The following DGKB variants were observed in gnomAD, a reference collection of about 807,000 sequenced individuals.
DGKB encodes diacylglycerol kinase beta.
Under a neutral mutation model 114.3 loss-of-function variants are expected in DGKB, and 67 were observed. The observed-to-expected ratio is 0.59, with a 90% CI of 0.48 to 0.72. The LOEUF (loss-of-function observed/expected upper bound fraction) is 0.72, where lower values mean the gene tolerates loss of function less well. DGKB is among the 30% of genes least tolerant of loss of function. The probability of loss-of-function intolerance (pLI) is 0.00; values close to 1 mark genes in which losing one functional copy is unlikely to be tolerated. For missense variants in DGKB, 907 were observed against 975.2 expected (o/e 0.93, Z 0.93); for synonymous variants, 398 against 323.1 (o/e 1.23, Z -2.49).
chr7:14,732,368 G>T (rs1358531425), intron 5 of DGKB, among the ~76,000 whole-genome samples: 1 of 151,908 alleles, frequency 6.6e-6, no homozygotes, highest in Non-Finnish European at 1.5e-5. Flanking sequence ...TCAAAAGTCT[G>T]TTATTTTTCA....
chr7:14,974,307 C>T (rs1345018412), intron 1 of DGKB, among the ~76,000 whole-genome samples: 3 of 151,934 alleles, frequency 2.0e-5, no homozygotes, highest in African/African-American at 7.2e-5. Context: ...GGAAAGGGGG[C>T]AGAAAACACA....
At chr7:14,310,614 T>C (rs1462852629) in intron 23 of DGKB, among the ~76,000 whole-genome samples, 1 of 152,182 alleles carries the variant, frequency 6.6e-6, no homozygotes, top group Non-Finnish European at 1.5e-5. Context: ...TCTCTATCTT[T>C]TGCCCAGTTT....
intron 1 of DGKB, among the ~76,000 whole-genome samples, chr7:14,864,027 A>G (rs1338988869): frequency 6.6e-6 from 1 of 150,862 alleles, no homozygotes; most frequent in Non-Finnish European, 1.5e-5. Context: ...TGAACCCAGG[A>G]GGCAGAGGTT....
chr7:14,472,398 C>T (rs1781553653), intron 21 of DGKB, among the ~76,000 whole-genome samples: 1 of 152,164 alleles, frequency 6.6e-6, no homozygotes, highest in Non-Finnish European at 1.5e-5. Flanking sequence ...GTGACTTGTT[C>T]CTCCTTGCCT....
intron 20 of DGKB, among the ~76,000 whole-genome samples, chr7:14,563,189 A>C (rs535569669): frequency 6.8e-4 from 103 of 152,296 alleles, no homozygotes; most frequent in African/African-American, 2.4e-3. Context: ...AGGCCTCCCC[A>C]GCCATGTGAA....
rs569197805 is a variant in DGKB at position 14,393,284 on chromosome 7, C to T, written c.1836-47893G>A. On this transcript the variant is annotated intron_variant, in intron 21 of 25. Coordinates refer to ENST00000402815, the MANE Select transcript of DGKB (RefSeq NM_001350709.2). ...GATTACAGGCGTGAGCCACCGCGCC[C>T]GGTCAACAGACCTGTTTTTATACAG... Among the ~76,000 whole-genome samples, 243 of 152,000 alleles carry T rather than the reference C, an allele frequency of 1.6e-3. 1 individual carries two copies. The highest frequency in any genetic ancestry group is 3.4e-3 in the Middle Eastern group (1 of 294).
At chr7:14,521,676 CT>C (rs1415992610) in intron 20 of DGKB, among the ~76,000 whole-genome samples, 1 of 151,686 alleles carries the variant, frequency 6.6e-6, no homozygotes, top group Non-Finnish European at 1.5e-5. Context: ...CCCTTTAATT[CT>C]TTGAACAATT....
intron 23 of DGKB, among the ~76,000 whole-genome samples, chr7:14,277,922 C>T (rs1799271467): frequency 6.6e-6 from 1 of 152,196 alleles, no homozygotes; most frequent in African/African-American, 2.4e-5. Flanking sequence ...TCCACATCCA[C>T]ACTAACCTTT....
At chr7:14,830,951 A>G (rs1846331542) in intron 2 of DGKB, among the ~76,000 whole-genome samples, 1 of 151,768 alleles carries the variant, frequency 6.6e-6, no homozygotes, top group South Asian at 2.1e-4. Context: ...ATGTGTGTGA[A>G]TATCTGTGTG....
chr7:14,699,207 T>C (rs192744701), intron 7 of DGKB, among the ~76,000 whole-genome samples: 1 of 152,294 alleles, frequency 6.6e-6, no homozygotes, highest in Non-Finnish European at 1.5e-5. Flanking sequence ...TAAATGTATT[T>C]ATTACAGATT....
At chr7:14,335,396 C>T (rs908033508) in intron 23 of DGKB, among the ~76,000 whole-genome samples, 1 of 151,560 alleles carries the variant, frequency 6.6e-6, no homozygotes, top group Non-Finnish European at 1.5e-5. Context: ...ATTTTCTCCC[C>T]CTCCAAAAGA....
chr7:14,162,397 T>A (rs555054970), intron 25 of DGKB, among the ~76,000 whole-genome samples: 1 of 152,324 alleles, frequency 6.6e-6, no homozygotes, highest in South Asian at 2.1e-4. Flanking sequence ...AATGACAAAA[T>A]TCTGATAAGT....
chr7:14,793,257 G>C (rs1014314672), intron 2 of DGKB, among the ~76,000 whole-genome samples: 13 of 152,204 alleles, frequency 8.5e-5, no homozygotes, highest in African/African-American at 2.6e-4. Flanking sequence ...AGATAGAAAT[G>C]TCATGTAAAA....
chr7:14,947,164 T>C (rs1473705303), intron 1 of DGKB, among the ~76,000 whole-genome samples: 2 of 151,710 alleles, frequency 1.3e-5, no homozygotes, highest in Non-Finnish European at 3.0e-5. Context: ...ATTCACCTTC[T>C]TATTTTACTA....
At chr7:14,398,653 G>C (rs1338946127) in intron 21 of DGKB, among the ~76,000 whole-genome samples, 1 of 151,908 alleles carries the variant, frequency 6.6e-6, no homozygotes, top group Non-Finnish European at 1.5e-5. Context: ...ATTCTGATGA[G>C]CTAGAATGAG....
chr7:14,637,167 G>A (rs958726323), intron 13 of DGKB, among the ~76,000 whole-genome samples: 2 of 151,724 alleles, frequency 1.3e-5, no homozygotes, highest in Non-Finnish European at 2.9e-5. Context: ...GTGTACAAAG[G>A]AATACTCAGC....
At chr7:14,253,746 C>T (rs1795575511) in intron 23 of DGKB, among the ~76,000 whole-genome samples, 1 of 152,142 alleles carries the variant, frequency 6.6e-6, no homozygotes, top group Non-Finnish European at 1.5e-5. Context: ...CAGAAATATG[C>T]ATCTCCTCTG....
chr7:14,429,076 G>A (rs916291777), intron 21 of DGKB, among the ~76,000 whole-genome samples: 1 of 151,956 alleles, frequency 6.6e-6, no homozygotes, highest in Admixed American at 6.6e-5. Context: ...AACACAGAAG[G>A]CATATTGAAA....
intron 2 of DGKB, among the ~76,000 whole-genome samples, chr7:14,800,781 G>C (rs919739724): frequency 1.3e-5 from 2 of 152,086 alleles, no homozygotes; most frequent in East Asian, 1.9e-4. Flanking sequence ...GCAAAGAATT[G>C]AGTTACAATG....
Sources: allele counts gnomAD v4.1 joint callset (sites outside exome capture counted in the v4.1 genomes callset), GRCh38; gene constraint gnomAD v4.1.1; transcripts MANE v1.5; gene names NCBI Gene and HGNC (gene_info 2026-07-23, HGNC 2026-07-21).